Variants in DGKG observed in about 807,000 individuals in gnomAD.
DGKG encodes diacylglycerol kinase gamma, also known as DAG kinase gamma.
DGKG carries 78 observed loss-of-function variants against 105.3 expected under a neutral mutation model. The ratio of observed to expected loss-of-function variants is 0.74; its 90% CI spans 0.62 to 0.89. The LOEUF (loss-of-function observed/expected upper bound fraction) is 0.89, where lower values mean the gene tolerates loss of function less well. Among genes scored for constraint, DGKG ranks in the 40% least tolerant of loss-of-function variants. The probability of loss-of-function intolerance (pLI) is 0.00; values close to 1 mark genes in which losing one functional copy is unlikely to be tolerated. For synonymous variants in DGKG, 346 were observed against 367.1 expected, an observed-to-expected ratio of 0.94 and a Z score of 0.66; for missense variants, 958 against 1,020.1, an observed-to-expected ratio of 0.94 and a Z score of 0.83.
At chr3:186,360,265 C>T (rs1008643090) in intron 1 of DGKG, among the ~76,000 whole-genome samples, 1 of 152,090 alleles carries the variant, frequency 6.6e-6, no homozygotes, top group Non-Finnish European at 1.5e-5. Context: ...CCCCATGTCT[C>T]GGTTGATCTG....
chr3:186,328,009 C>T (rs1463811741), intron 1 of DGKG, among the ~76,000 whole-genome samples: 4 of 152,224 alleles, frequency 2.6e-5, no homozygotes, highest in African/African-American at 9.6e-5. Flanking sequence ...CACCTTCCAG[C>T]CAAATCTACC....
chr3:186,219,621 T>C (rs1719466509), intron 20 of DGKG, among the ~76,000 whole-genome samples: 1 of 152,114 alleles, frequency 6.6e-6, no homozygotes, highest in Non-Finnish European at 1.5e-5. Flanking sequence ...GGGACAAGAC[T>C]GGTGTTCATG....
At chr3:186,244,552 C>G (rs1720846709) in intron 19 of DGKG, among the ~76,000 whole-genome samples, 1 of 151,828 alleles carries the variant, frequency 6.6e-6, no homozygotes, top group African/African-American at 2.4e-5. Context: ...TTACAGGCAT[C>G]CGCCACCATG....
In DGKG at chr3:186,147,917, T is replaced by C. The variant is rs1467810642; in HGVS notation, c.*2173A>G. On this transcript the variant is annotated 3_prime_UTR_variant, in exon 25 of 25. Transcript: ENST00000265022. ...ACCATCATTAAAGATATTCTTCAGG[T>C]GGCCTGGTTTTCCCCTTACTTAGCA... 1 of 985,286 alleles carries C rather than the reference T, an allele frequency of 1.0e-6. No individual in the cohort carries two copies. Among genetic ancestry groups the C allele is most frequent in the Non-Finnish European group, 1.2e-6 (1 of 829,938 alleles). 61.0% of individuals were successfully genotyped at this position (985,286 alleles called of 1,614,324 possible). A position where few individuals can be genotyped will look rare whatever the true frequency, so the allele number is the denominator to read the frequency against.
At chr3:186,288,647 G>C (rs1280132807) in intron 6 of DGKG, 63 bp downstream of exon 6, 2 of 1,551,016 alleles carry the variant, frequency 1.3e-6, no homozygotes, top group Admixed American at 3.5e-5. Flanking sequence ...TAGGAATAAT[G>C]GATAGAACCC....
At chr3:186,150,233 A>G (rs1455131038) in intron 24 of DGKG, 45 bp from the exon 25 acceptor site, 5 of 1,578,562 alleles carry the variant, frequency 3.2e-6, no homozygotes, top group African/African-American at 2.7e-5. Context: ...TGCAAATCTC[A>G]GTAGCCTAAG....
intron 1 of DGKG, among the ~76,000 whole-genome samples, chr3:186,354,655 T>A (rs950051619): frequency 6.6e-6 from 1 of 152,212 alleles, no homozygotes; most frequent in Admixed American, 6.5e-5. Flanking sequence ...TTCTTTTCTC[T>A]TACACATCAT....
rs1165723037 is a variant in DGKG, at chr3:186,310,265, C to CAAAAAAAAAAAAAAAAAA, written c.68-3306_68-3289dup. Among the ~76,000 whole-genome samples, 10 of 33,292 alleles carry CAAAAAAAAAAAAAAAAAA rather than the reference C, an allele frequency of 3.0e-4. 1 individual carries two copies. Among genetic ancestry groups the CAAAAAAAAAAAAAAAAAA allele is most frequent in the African/African-American group, 8.1e-4 (9 of 11,094 alleles). The allele number at this position is 33,292 out of a possible 152,430, so 21.8% of individuals were successfully genotyped here. Reference sequence around the variant, plus strand: ...CTGGCAACAAAGCAAGACTCCGTCTCAAAAAAAAAAAAAAAAAAAAAAAAC... The same window carrying CAAAAAAAAAAAAAAAAAA: ...CTGGCAACAAAGCAAGACTCCGTCTCAAAAAAAAAAAAAAAAAAAAAAAAAAAAAAAAAAAAAAAAAAC... On this transcript the variant is annotated intron_variant, in intron 2 of 24. Coordinates refer to ENST00000265022, the MANE Select transcript of DGKG (RefSeq NM_001346.3).
chr3:186,233,982 G>A (rs1189607073), intron 20 of DGKG, among the ~76,000 whole-genome samples: 1 of 152,150 alleles, frequency 6.6e-6, no homozygotes, highest in Non-Finnish European at 1.5e-5. Context: ...TTTCCTACTG[G>A]GCACTTGCTT....
At chr3:186,302,063 C>A (rs1199399606) in intron 3 of DGKG, among the ~76,000 whole-genome samples, 1 of 152,174 alleles carries the variant, frequency 6.6e-6, no homozygotes, top group East Asian at 1.9e-4. Context: ...CCGGATTCCA[C>A]TTTTTCCAGA....
intron 22 of DGKG, among the ~76,000 whole-genome samples, chr3:186,168,442 A>C (rs1716659781): frequency 6.6e-6 from 1 of 152,222 alleles, no homozygotes. Flanking sequence ...AGGGAGGAAA[A>C]GCAAGGACAA....
intron 2 of DGKG, among the ~76,000 whole-genome samples, chr3:186,307,240 C>A (rs1384512821): frequency 6.6e-6 from 1 of 152,200 alleles, no homozygotes; most frequent in African/African-American, 2.4e-5. Context: ...GCTTTCTGTT[C>A]CCCCAGGATA....
rs942929831 is a variant in DGKG at position 186,298,212 on chromosome 3, G to T, written c.162C>A (p.Val54=). 6.2e-7 allele frequency: 1 copy of T among 1,608,272 alleles called. No individual in the cohort carries two copies. Among genetic ancestry groups the T allele is most frequent in the Admixed American group, 1.7e-5 (1 of 58,920 alleles). Residue 54 remains valine, a synonymous_variant, in exon 4 of 25, where the codon GTC becomes GTA. Transcript: ENST00000265022. ...YDPHEPISYD[V]FKLFMRAYLE... ...GGTACGCCCTCATGAACAGCTTGAAGACATCATAGCTAATCGGCTGAGAAG... is the reference window on the plus strand; with the variant it reads ...GGTACGCCCTCATGAACAGCTTGAATACATCATAGCTAATCGGCTGAGAAG...
chr3:186,220,338 G>A (rs1299788969), intron 20 of DGKG, among the ~76,000 whole-genome samples: 1 of 152,188 alleles, frequency 6.6e-6, no homozygotes, highest in African/African-American at 2.4e-5. Context: ...GGGCTCCATG[G>A]TGGTTCTCTT....
intron 22 of DGKG, among the ~76,000 whole-genome samples, chr3:186,176,695 A>G (rs9815931): frequency 0.62 from 94,713 of 152,066 alleles, 30,414 homozygotes; most frequent in Middle Eastern, 0.77. Context: ...AATCTATAAA[A>G]TATTCCTCGG....
intron 19 of DGKG, among the ~76,000 whole-genome samples, chr3:186,246,203 C>T (rs1443845965): frequency 1.3e-5 from 2 of 152,162 alleles, no homozygotes; most frequent in Non-Finnish European, 2.9e-5. Context: ...AACTCCTGAC[C>T]TCAGGTGATC....
rs1716437697 is a variant in DGKG, at chr3:186,164,413, C to CA, written c.2216+484dup. 2.6e-5 allele frequency among the ~76,000 whole-genome samples: 4 copies of CA among 152,262 alleles called. No homozygotes were observed. In the South Asian group the frequency reaches 8.3e-4, roughly 32 times the overall value. ...CCCCTAGAGTTGTCATCCTGTCTGTCAATTATGCCAGTTTTGCTGATGTTG... is the reference window on the plus strand; with the variant it reads ...CCCCTAGAGTTGTCATCCTGTCTGTCAAATTATGCCAGTTTTGCTGATGTTG... On this transcript the variant is annotated intron_variant, in intron 23 of 24. Transcript: ENST00000265022.
chr3:186,296,820 T>C (rs868786701), intron 5 of DGKG, among the ~76,000 whole-genome samples: 112 of 152,318 alleles, frequency 7.4e-4, no homozygotes, highest in African/African-American at 2.7e-3. Flanking sequence ...ATTGTGAAGC[T>C]TAGATGAAAT....
chr3:186,178,167 G>A (rs564004694), intron 22 of DGKG, among the ~76,000 whole-genome samples: 5 of 152,142 alleles, frequency 3.3e-5, no homozygotes, highest in Admixed American at 6.5e-5. Context: ...GTGAGAGATC[G>A]ATTTCTGTTG....
Sources: gnomAD v4.1 joint callset for allele counts (sites outside exome capture counted in the v4.1 genomes callset) on GRCh38, gnomAD v4.1.1 for gene constraint, MANE v1.5 for transcripts, NCBI Gene and HGNC (gene_info 2026-07-23, HGNC 2026-07-21) for gene names.